Variants in PRELID2 observed in about 807,000 individuals in gnomAD.
PRELID2 encodes the protein PRELI domain containing 2, also known as PRELI domain-containing protein 2.
PRELID2 carries 25 observed loss-of-function variants against 28.4 expected under a neutral mutation model. The observed-to-expected ratio is 0.88, with a 90% confidence interval of 0.64 to 1.23. PRELID2 has a LOEUF of 1.23. Among genes scored for constraint, PRELID2 ranks in the 50% most tolerant of loss-of-function variants. The pLI is 0.00. For missense variants in PRELID2, 201 were observed against 214.4 expected (o/e 0.94, Z 0.39); for synonymous variants, 76 against 71.6 (o/e 1.06, Z -0.31).
chr5:145,507,511 T>A (rs1752422581), intron 1 of PRELID2, among the ~76,000 whole-genome samples: 1 of 152,120 alleles, frequency 6.6e-6, no homozygotes. Context: ...GGATATGTGT[T>A]TTCCAGTTTT....
At chr5:145,335,571 A>G in the PRELID2 span, among the ~76,000 whole-genome samples, 1 of 152,186 alleles carries the variant, frequency 6.6e-6, no homozygotes, top group Non-Finnish European at 1.5e-5. Context: ...AAATGTGAAA[A>G]TTCAACAACA....
intron 1 of PRELID2, among the ~76,000 whole-genome samples, chr5:145,693,466 T>C (rs534534358): frequency 1.3e-5 from 2 of 149,128 alleles, no homozygotes; most frequent in East Asian, 3.9e-4. Context: ...TTCTTAAAAT[T>C]AAAAAAAAAA....
chr5:145,532,025 C>A (rs1752658344), intron 1 of PRELID2, among the ~76,000 whole-genome samples: 1 of 152,046 alleles, frequency 6.6e-6, no homozygotes, highest in Non-Finnish European at 1.5e-5. Flanking sequence ...AAAATATATG[C>A]AAAGCAGTAT....
chr5:145,423,589 G>T, the PRELID2 span, among the ~76,000 whole-genome samples: 10 of 141,484 alleles, frequency 7.1e-5, no homozygotes, highest in Non-Finnish European at 1.4e-4. Flanking sequence ...AGCTCCATCA[G>T]CTCCTTTAAG....
chr5:145,431,006 GTTTTTTTTT>G, the PRELID2 span, among the ~76,000 whole-genome samples: 3 of 55,560 alleles, frequency 5.4e-5, no homozygotes, highest in African/African-American at 1.8e-4. Flanking sequence ...CCTGGCAATG[GTTTTTTTTT>G]TTTTTTTTTT....
chr5:145,429,427 G>C, the PRELID2 span, among the ~76,000 whole-genome samples: 1 of 152,262 alleles, frequency 6.6e-6, no homozygotes, highest in East Asian at 1.9e-4. Context: ...ACCATCTGGG[G>C]GAGAGGAATA....
chr5:145,791,474 A>G (rs1752390765), intron 5 of PRELID2, among the ~76,000 whole-genome samples: 1 of 152,226 alleles, frequency 6.6e-6, no homozygotes, highest in South Asian at 2.1e-4. Context: ...GCCAGTCACA[A>G]AAAGACAAAT....
intron 1 of PRELID2, among the ~76,000 whole-genome samples, chr5:145,496,914 G>A (rs373305076): frequency 7.2e-5 from 11 of 152,088 alleles, no homozygotes; most frequent in African/African-American, 2.7e-4. Context: ...CTGAGCTGGA[G>A]TACAGTGGCA....
At chr5:145,672,713 T>C (rs557816977) in intron 1 of PRELID2, among the ~76,000 whole-genome samples, 14 of 152,010 alleles carry the variant, frequency 9.2e-5, no homozygotes, top group African/African-American at 3.4e-4. Flanking sequence ...TCTCAAAACA[T>C]AAAGGCCCTG....
intron 1 of PRELID2, among the ~76,000 whole-genome samples, chr5:145,710,943 GTTCTGT>G (rs2149709796): frequency 6.6e-6 from 1 of 152,272 alleles, no homozygotes; most frequent in African/African-American, 2.4e-5. Context: ...AGCACACAGG[GTTCTGT>G]TTCTAAGAGG....
chr5:145,717,176 C>T (rs907673206), intron 1 of PRELID2, among the ~76,000 whole-genome samples: 5 of 152,208 alleles, frequency 3.3e-5, no homozygotes, highest in African/African-American at 1.2e-4. Flanking sequence ...AAGCCACATA[C>T]TATTTTATTC....
chr5:145,603,616 A>G (rs1036266844), intron 1 of PRELID2, among the ~76,000 whole-genome samples: 2 of 152,174 alleles, frequency 1.3e-5, no homozygotes, highest in Non-Finnish European at 2.9e-5. Context: ...AGAGATGCAG[A>G]AAAAGGTAGA....
At chr5:145,243,948 A>ATTTG in the PRELID2 span, among the ~76,000 whole-genome samples, 1 of 151,410 alleles carries the variant, frequency 6.6e-6, no homozygotes, top group Non-Finnish European at 1.5e-5. Flanking sequence ...TTGTTTGTTT[A>ATTTG]TTTGTTTGTT....
At chr5:145,520,103 T>C (rs1345384032) in intron 1 of PRELID2, among the ~76,000 whole-genome samples, 1 of 152,220 alleles carries the variant, frequency 6.6e-6, no homozygotes, top group Non-Finnish European at 1.5e-5. Context: ...AGGTGAGCTT[T>C]TTCTTTCTTT....
At chr5:145,667,719 T>C (rs1320525695) in intron 1 of PRELID2, among the ~76,000 whole-genome samples, 1 of 152,070 alleles carries the variant, frequency 6.6e-6, no homozygotes, top group East Asian at 1.9e-4. Context: ...AGGCAAGTTA[T>C]TTCAACTCTC....
chr5:145,280,886 G>A, the PRELID2 span, among the ~76,000 whole-genome samples: 1 of 151,744 alleles, frequency 6.6e-6, no homozygotes, highest in East Asian at 1.9e-4. Flanking sequence ...AGTTGCAAAT[G>A]ACAGCAACCC....
At chr5:145,469,362 A>G (rs182769924), downstream of PRELID2, among the ~76,000 whole-genome samples, 201 of 152,262 alleles carry the variant, frequency 1.3e-3, no homozygotes, top group Admixed American at 3.1e-3. Flanking sequence ...TGTCAAAAGT[A>G]AAAAACAGAA....
chr5:145,408,448 T>C, the PRELID2 span, among the ~76,000 whole-genome samples: 1 of 144,900 alleles, frequency 6.9e-6, no homozygotes, highest in Non-Finnish European at 1.5e-5. Context: ...CATATATATG[T>C]ATAATATATA....
the PRELID2 span, among the ~76,000 whole-genome samples, chr5:145,411,060 A>G: frequency 6.6e-6 from 1 of 152,124 alleles, no homozygotes; most frequent in African/African-American, 2.4e-5. Context: ...GTGAACTCTA[A>G]CAGGTCAGTC....
Sources: allele counts gnomAD v4.1 joint callset (sites outside exome capture counted in the v4.1 genomes callset), GRCh38; gene constraint gnomAD v4.1.1; transcripts MANE v1.5; gene names NCBI Gene and HGNC (gene_info 2026-07-23, HGNC 2026-07-21).